Variants in ADPRHL1 observed in about 807,000 individuals in gnomAD.
The protein encoded by ADPRHL1 is ADP-ribosylhydrolase like 1, also known as inactive ADP-ribosyltransferase ARH2.
A neutral mutation model predicts 44.1 loss-of-function variants in ADPRHL1; 43 were observed. The observed-to-expected ratio is 0.98, with a 90% confidence interval of 0.76 to 1.26. ADPRHL1 has a LOEUF of 1.26. Ranked by LOEUF, ADPRHL1 falls within the 50% of genes most tolerant of loss-of-function variation. The pLI, the probability that ADPRHL1 is intolerant of heterozygous loss-of-function variation, is 0.00. For missense variants in ADPRHL1, 2,022 were observed against 2,496.9 expected (o/e 0.81, Z 4.05); for synonymous variants, 878 against 1,017.4 (o/e 0.86, Z 2.61).
At chr13:113,439,637 AG>A (rs2044084474) in intron 2 of ADPRHL1, among the ~76,000 whole-genome samples, 3 of 148,594 alleles carry the variant, frequency 2.0e-5, no homozygotes, top group Admixed American at 2.0e-4. Flanking sequence ...TAGTAGAGAC[AG>A]GGTTTTGCCA....
rs199903046 is a variant in ADPRHL1 at position 113,412,779 on chromosome 13, G to A, written c.1062-4559C>T. On this transcript the variant is annotated intron_variant, in intron 7 of 7. Transcript: ENST00000612156. ...GTTCACCCACCGCCAACAGCGCCCCGCAGAACTCGGTTCACCCACCGCCAA... is the reference window on the plus strand; with the variant it reads ...GTTCACCCACCGCCAACAGCGCCCCACAGAACTCGGTTCACCCACCGCCAA... Among the ~76,000 whole-genome samples, 26 of 98,840 alleles carry A rather than the reference G, an allele frequency of 2.6e-4. 1 individual carries two copies. The highest frequency in any genetic ancestry group is 4.8e-4 in the African/African-American group (13 of 27,068). 64.8% of individuals were successfully genotyped at this position (98,840 alleles called of 152,430 possible). A position where few individuals can be genotyped will look rare whatever the true frequency, so the allele number is the denominator to read the frequency against.
At chr13:113,445,216 G>A (rs2044128386) in intron 1 of ADPRHL1, among the ~76,000 whole-genome samples, 1 of 152,250 alleles carries the variant, frequency 6.6e-6, no homozygotes. Context: ...GCACGCGGGA[G>A]GCCCAGACGT....
In ADPRHL1 at chr13:113,406,915, A is replaced by G; in HGVS notation, c.2367T>C (p.Asp789=). ...EITMTVCSSE[D]EREGAGFPDP... The stretch of plus-strand genomic sequence containing the variant: ...CTGGGAAGCCTGCTCCTTCCCTTTC[A>G]TCCTCTGAACTGCAAACAGTCATGG... The change falls in exon 8 of 8, where the codon GAT becomes GAC. Residue 789 remains aspartate, a synonymous_variant. Coordinates refer to ENST00000612156, the MANE Select transcript of ADPRHL1 (RefSeq NM_001394807.1). 8.1e-7 allele frequency: 1 copy of G among 1,232,108 alleles called. No homozygotes were observed. The highest frequency in any genetic ancestry group is 1.0e-6 in the Non-Finnish European group (1 of 988,092). The allele number at this position is 1,232,108 out of a possible 1,614,324, so 76.3% of individuals were successfully genotyped here.
At chr13:113,444,658 G>A in intron 1 of ADPRHL1, 69 bp from the exon 2 acceptor site, 2 of 1,544,586 alleles carry the variant, frequency 1.3e-6, no homozygotes. Flanking sequence ...CTCCCGCGGG[G>A]TCAGGCACCA....
intron 2 of ADPRHL1, among the ~76,000 whole-genome samples, chr13:113,434,296 G>A (rs1478248854): frequency 6.6e-6 from 1 of 151,894 alleles, no homozygotes; most frequent in Non-Finnish European, 1.5e-5. Flanking sequence ...TGTACCCCGG[G>A]ACCCAGCATC....
chr13:113,427,736 C>T (rs1253605741), intron 4 of ADPRHL1, among the ~76,000 whole-genome samples: 3 of 152,178 alleles, frequency 2.0e-5, no homozygotes, highest in African/African-American at 7.2e-5. Context: ...GAGGACGGCC[C>T]GGTCACGGGG....
At chr13:113,421,892 A>G (rs1388654023) in intron 7 of ADPRHL1, 1 of 152,228 alleles carries the variant, frequency 6.6e-6, no homozygotes, top group African/African-American at 2.4e-5. Flanking sequence ...CCCTTTAATG[A>G]AATCACAACA....
At chr13:113,424,169 G>A (rs1456285850) in intron 6 of ADPRHL1, 48 bp downstream of exon 6, 1 of 1,607,066 alleles carries the variant, frequency 6.2e-7, no homozygotes, top group Non-Finnish European at 8.5e-7. Flanking sequence ...TGCTTCAGAA[G>A]AAGGGTGCTA....
At chr13:113,429,489 C>T (rs977716812) in intron 3 of ADPRHL1, among the ~76,000 whole-genome samples, 1 of 152,274 alleles carries the variant, frequency 6.6e-6, no homozygotes, top group African/African-American at 2.4e-5. Context: ...TGGCTCGCCA[C>T]GGCTTCCCTT....
At chr13:113,413,429 G>A (rs1206931430) in intron 7 of ADPRHL1, among the ~76,000 whole-genome samples, 1 of 152,216 alleles carries the variant, frequency 6.6e-6, no homozygotes, top group African/African-American at 2.4e-5. Context: ...CCCCACAAAG[G>A]GGAACAGCGT....
chr13:113,446,298 G>C (rs2044137455), intron 1 of ADPRHL1, among the ~76,000 whole-genome samples: 1 of 151,550 alleles, frequency 6.6e-6, no homozygotes, highest in Admixed American at 6.6e-5. Context: ...CTCCCAGAGA[G>C]AGCACTCAGG....
At chr13:113,418,888 A>G (rs142642329) in intron 7 of ADPRHL1, among the ~76,000 whole-genome samples, 73 of 150,992 alleles carry the variant, frequency 4.8e-4, no homozygotes, top group African/African-American at 1.7e-3. Flanking sequence ...GCGGATCCAC[A>G]GGGATGTGCA....
chr13:113,424,347 G>T lies in ADPRHL1; in HGVS notation c.777C>A (p.Thr259=). 1 of 1,612,736 alleles carries T rather than the reference G, an allele frequency of 6.2e-7. No individual in the cohort carries two copies. The highest frequency in any genetic ancestry group is 8.5e-7 in the Non-Finnish European group (1 of 1,179,870). Residue 259 remains threonine, a splice_region_variant and synonymous_variant, in exon 6 of 8, where the codon ACC becomes ACA. Transcript: ENST00000612156. ...DNYDAEEREK[T]YRKWSSEGRG... is the part of the protein sequence containing the mutation. ...GACCTTCCGAGCTCCACTTCCTGTA[G>T]GTCTGACAAGAGAGCCGTGGGTCGG...
At chr13:113,415,795 G>A (rs954661609) in intron 7 of ADPRHL1, among the ~76,000 whole-genome samples, 10 of 143,000 alleles carry the variant, frequency 7.0e-5, no homozygotes, top group African/African-American at 2.3e-4. Context: ...AAGCAAGCTC[G>A]CCTCCTTAGT....
At chr13:113,433,148 T>C (rs2044019098) in intron 3 of ADPRHL1, among the ~76,000 whole-genome samples, 1 of 152,196 alleles carries the variant, frequency 6.6e-6, no homozygotes, top group Non-Finnish European at 1.5e-5. Context: ...GTGATTCACA[T>C]GTGGCAGTCG....
At chr13:113,410,111 G>A (rs923309513) in intron 7 of ADPRHL1, 2 of 985,258 alleles carry the variant, frequency 2.0e-6, no homozygotes, top group African/African-American at 1.7e-5. Flanking sequence ...GTGTTGCCGT[G>A]GGCACGCGAT....
In ADPRHL1 at chr13:113,424,399, T is replaced by C. The variant is rs775720750; in HGVS notation, c.775-50A>G. On this transcript the variant is annotated intron_variant, in intron 5 of 7. Transcript: ENST00000612156. Reference sequence around the variant, plus strand: ...GCGTGTGCCCAAGTGGAGCCACTTCTGGGTATATTACAGCACAAGCTTTCT... The same window carrying C: ...GCGTGTGCCCAAGTGGAGCCACTTCCGGGTATATTACAGCACAAGCTTTCT... 18 of 1,610,266 alleles carry C rather than the reference T, an allele frequency of 1.1e-5. No individual in the cohort carries two copies. The African/African-American group carries it at 1.9e-4, about 17-fold the overall frequency.
At position 113,409,761 on chromosome 13, in the gene ADPRHL1, C is replaced by T. The variant is rs1425216227; in HGVS notation, c.1062-1541G>A. 51 of 629,560 alleles carry T rather than the reference C, an allele frequency of 8.1e-5. 1 individual carries two copies. The highest frequency in any genetic ancestry group is 1.4e-4 in the East Asian group (1 of 7,192). 39.0% of individuals were successfully genotyped at this position (629,560 alleles called of 1,614,324 possible). ...AAAATCAGCCGGGCGTGGTGGCGGG[C>T]GCCTGTAGTCCCAGCTACTTGGGAG... On this transcript the variant is annotated intron_variant, in intron 7 of 7. Coordinates refer to ENST00000612156, the MANE Select transcript of ADPRHL1 (RefSeq NM_001394807.1). The surrounding 1 kb of genome is among the most constrained non-coding windows in gnomAD (Gnocchi z 4.2).
At chr13:113,426,372 G>A (rs1466075016) in intron 4 of ADPRHL1, among the ~76,000 whole-genome samples, 2 of 152,234 alleles carry the variant, frequency 1.3e-5, no homozygotes, top group African/African-American at 2.4e-5. Flanking sequence ...CGTGCAGGCC[G>A]CTGGTGGCTG....
Sources: allele counts gnomAD v4.1 joint callset (sites outside exome capture counted in the v4.1 genomes callset), GRCh38; gene constraint gnomAD v4.1.1; non-coding constraint Gnocchi (gnomAD v3.1); transcripts MANE v1.5; gene names NCBI Gene and HGNC (gene_info 2026-07-23, HGNC 2026-07-21).